Variants in PEAK1 observed in about 807,000 individuals in gnomAD.
The protein encoded by PEAK1 is inactive tyrosine-protein kinase PEAK1.
Under a neutral mutation model 124.7 loss-of-function variants are expected in PEAK1, and 54 were observed. The observed-to-expected ratio is 0.43, with a 90% CI of 0.35 to 0.54. The LOEUF (loss-of-function observed/expected upper bound fraction) is 0.54. Ranked by LOEUF, PEAK1 falls within the 20% of genes least tolerant of loss-of-function variation. PEAK1 has a pLI of 0.01. For synonymous variants in PEAK1, 719 were observed against 760.0 expected (o/e 0.95, Z 0.89); for missense variants, 2,046 against 2,134.5 (o/e 0.96, Z 0.82).
intron 1 of PEAK1, chr15:77,419,290 G>T: frequency 1.0e-6 from 1 of 985,416 alleles, no homozygotes; most frequent in South Asian, 4.7e-5. Flanking sequence ...CAGACGGATG[G>T]TGCATGCGAC....
chr15:77,169,500 G>C (rs1415257174), intron 7 of PEAK1, among the ~76,000 whole-genome samples: 1 of 152,148 alleles, frequency 6.6e-6, no homozygotes, highest in African/African-American at 2.4e-5. Context: ...CACTAACCAA[G>C]TGTTTACCAC....
chr15:77,157,146 T>C (rs2055225989), intron 8 of PEAK1: 1 of 152,224 alleles, frequency 6.6e-6, no homozygotes. Context: ...GGGACTCCTT[T>C]ATTTCCAAGT....
intron 1 of PEAK1, chr15:77,404,294 T>G (rs1254084420): frequency 1.0e-6 from 1 of 985,348 alleles, no homozygotes; most frequent in African/African-American, 1.7e-5. Flanking sequence ...AGTGATATTT[T>G]ATTGCATCTT....
chr15:77,170,258 C>A (rs2056415813), intron 7 of PEAK1, among the ~76,000 whole-genome samples: 1 of 151,528 alleles, frequency 6.6e-6, no homozygotes, highest in Non-Finnish European at 1.5e-5. Flanking sequence ...TACTTCTGTA[C>A]ATGTTTAAAA....
intron 1 of PEAK1, among the ~76,000 whole-genome samples, chr15:77,375,966 T>G (rs2141744024): frequency 6.6e-6 from 1 of 151,810 alleles, no homozygotes; most frequent in Non-Finnish European, 1.5e-5. Context: ...GCCACTGCAC[T>G]CCAGCCTGGG....
chr15:77,269,002 C>T (rs1469205621), intron 5 of PEAK1, among the ~76,000 whole-genome samples: 1 of 151,824 alleles, frequency 6.6e-6, no homozygotes, highest in East Asian at 1.9e-4. Flanking sequence ...ACTACGAGCA[C>T]CGCTAAAAGG....
At chr15:77,408,625 C>A (rs1005090631) in intron 1 of PEAK1, among the ~76,000 whole-genome samples, 1 of 152,044 alleles carries the variant, frequency 6.6e-6, no homozygotes, top group African/African-American at 2.4e-5. Context: ...ATATTTTCTA[C>A]TGTTTCTCCA....
intron 7 of PEAK1, among the ~76,000 whole-genome samples, chr15:77,167,596 G>A (rs777537398): frequency 6.6e-6 from 1 of 152,206 alleles, no homozygotes; most frequent in African/African-American, 2.4e-5. Context: ...TCAGGAGACA[G>A]AGCAGCTATT....
At chr15:77,291,841 T>A (rs2063228244) in intron 2 of PEAK1, among the ~76,000 whole-genome samples, 1 of 151,774 alleles carries the variant, frequency 6.6e-6, no homozygotes, top group African/African-American at 2.4e-5. Context: ...GCCCGGCATG[T>A]TGGTGGGTGC....
At chr15:77,356,564 G>A (rs1174975948) in intron 2 of PEAK1, among the ~76,000 whole-genome samples, 1 of 151,544 alleles carries the variant, frequency 6.6e-6, no homozygotes, top group African/African-American at 2.4e-5. Context: ...AAGAGTCATG[G>A]ATAGTAATGT....
chr15:77,216,701 G>C (rs1439476199), intron 6 of PEAK1, among the ~76,000 whole-genome samples: 1 of 152,158 alleles, frequency 6.6e-6, no homozygotes, highest in African/African-American at 2.4e-5. Flanking sequence ...ATGATTAGCA[G>C]CAGAAACAAT....
rs140677020 is a variant in PEAK1 at position 77,388,652 on chromosome 15, T to C, written c.-665-23427A>G. Among the ~76,000 whole-genome samples, 440 of 152,304 alleles carry C rather than the reference T, an allele frequency of 2.9e-3. 2 individuals carry two copies. The highest frequency in any genetic ancestry group is 9.9e-3 in the African/African-American group (412 of 41,560). ...ACATATAGCTATCACTTAGAACATA[T>C]ATCTTCAACATTTCATGTTGATCAT... is the stretch of plus-strand genomic sequence containing the variant. On this transcript the variant is annotated intron_variant, in intron 1 of 9. Coordinates refer to ENST00000682557, the MANE Select transcript of PEAK1 (RefSeq NM_001385026.1).
intron 1 of PEAK1, among the ~76,000 whole-genome samples, chr15:77,407,939 A>T (rs2071991631): frequency 1.2e-5 from 1 of 82,106 alleles, no homozygotes; most frequent in Admixed American, 1.2e-4. Context: ...ATACACACAT[A>T]TATACACATA....
chr15:77,347,715 A>G (rs2066951653), intron 2 of PEAK1: 2 of 972,868 alleles, frequency 2.1e-6, no homozygotes, highest in Non-Finnish European at 2.4e-6. Context: ...AAATATTTCC[A>G]TGTTTAAAAC....
chr15:77,408,250 G>A (rs1320524969), intron 1 of PEAK1, among the ~76,000 whole-genome samples: 1 of 151,700 alleles, frequency 6.6e-6, no homozygotes, highest in Non-Finnish European at 1.5e-5. Flanking sequence ...AACCTGGATG[G>A]AATTGGAGAC....
At chr15:77,349,020 CACA>C (rs1363960003) in intron 2 of PEAK1, 2 of 939,278 alleles carry the variant, frequency 2.1e-6, no homozygotes, top group African/African-American at 3.6e-5. Context: ...AGCAAGCAAT[CACA>C]ATTTTATTCA....
chr15:77,335,878 T>C, intron 2 of PEAK1: 1 of 985,404 alleles, frequency 1.0e-6, no homozygotes, highest in Non-Finnish European at 1.2e-6. Context: ...CAACATGCCA[T>C]CCTTCCCACC....
intron 6 of PEAK1, among the ~76,000 whole-genome samples, chr15:77,193,855 ACTAAT>A (rs917924943): frequency 3.7e-5 from 5 of 136,036 alleles, no homozygotes; most frequent in Non-Finnish European, 8.1e-5. Context: ...ACTAAACTAA[ACTAAT>A]CTAACTCTCT....
rs116751641 is a variant in PEAK1, at chr15:77,337,930, G to A, written c.-603+27233C>T. The A allele has an allele frequency of 2.5e-5, 25 of 984,288 alleles. No individual in the cohort carries two copies. The African/African-American group carries it at 3.8e-4, about 15-fold the overall frequency. 61.0% of individuals were successfully genotyped at this position (984,288 alleles called of 1,614,324 possible). On this transcript the variant is annotated intron_variant, in intron 2 of 9. Coordinates refer to ENST00000682557, the MANE Select transcript of PEAK1 (RefSeq NM_001385026.1). ...AGCTAAATCTGTCAATAATTTGGGG[G>A]TGCTGATAGAAAAAAATAATCTGAA...
Sources: gnomAD v4.1 joint callset for allele counts (sites outside exome capture counted in the v4.1 genomes callset) on GRCh38, gnomAD v4.1.1 for gene constraint, MANE v1.5 for transcripts, NCBI Gene and HGNC (gene_info 2026-07-23, HGNC 2026-07-21) for gene names.